RGS17: variants seen among roughly 807,000 people sequenced by gnomAD.
RGS17 encodes the protein regulator of G protein signaling 17.
In RGS17, 12 loss-of-function variants were observed where a neutral mutation model predicts 25.5. The ratio of observed to expected loss-of-function variants is 0.47; its 90% confidence interval spans 0.30 to 0.76. The LOEUF is 0.76. Among genes scored for constraint, RGS17 ranks in the 30% least tolerant of loss-of-function variants. RGS17 has a pLI of 0.07. For missense variants in RGS17, 196 were observed against 242.2 expected (o/e 0.81, Z 1.27); for synonymous variants, 71 against 76.9 (o/e 0.92, Z 0.40).
intron 4 of RGS17, among the ~76,000 whole-genome samples, chr6:153,019,077 G>A (rs1242147021): frequency 2.0e-5 from 3 of 152,144 alleles, no homozygotes; most frequent in African/African-American, 4.8e-5. Flanking sequence ...CTCCTACTAC[G>A]ATTACAATTA....
At chr6:153,121,709 A>T (rs918911916) in intron 1 of RGS17, among the ~76,000 whole-genome samples, 6 of 152,352 alleles carry the variant, frequency 3.9e-5, no homozygotes, top group African/African-American at 1.4e-4. Flanking sequence ...GATACAGTTG[A>T]TTTTATATAA....
rs114225483 is a variant in RGS17, at chr6:153,103,913, A to C, written c.-26+27211T>G. ...TAAACCATAATTACCATCCAGCTTCACATATAAAAGCTTTGAAGAGGATAC... is the reference window on the plus strand; with the variant it reads ...TAAACCATAATTACCATCCAGCTTCCCATATAAAAGCTTTGAAGAGGATAC... On this transcript the variant is annotated intron_variant, in intron 1 of 4. Coordinates refer to ENST00000206262, the MANE Select transcript of RGS17 (RefSeq NM_012419.5). Among the ~76,000 whole-genome samples, 759 of 152,318 alleles carry C rather than the reference A, an allele frequency of 5.0e-3. 5 individuals carry two copies. The highest frequency in any genetic ancestry group is 0.017 in the African/African-American group (704 of 41,556).
intron 1 of RGS17, among the ~76,000 whole-genome samples, chr6:153,083,864 A>G (rs1777016893): frequency 6.6e-6 from 1 of 152,222 alleles, no homozygotes. Flanking sequence ...ACTGTAATAC[A>G]GCTCTCCTGA....
At position 153,074,324 on chromosome 6, in the gene RGS17, T is replaced by C. The variant is rs908802633; in HGVS notation, c.-25-30281A>G. Reference sequence around the variant, plus strand: ...GCACAGCCAGCAGTGCTTGCTCTGTTGATTGCAAGTTAGTGTTTCAGGGTT... The same window carrying C: ...GCACAGCCAGCAGTGCTTGCTCTGTCGATTGCAAGTTAGTGTTTCAGGGTT... On this transcript the variant is annotated intron_variant, in intron 1 of 4. Transcript: ENST00000206262. Among the ~76,000 whole-genome samples, 45 of 152,348 alleles carry C rather than the reference T, an allele frequency of 3.0e-4. 1 individual carries two copies. The highest frequency in any genetic ancestry group is 2.1e-4 in the South Asian group (1 of 4,826).
At chr6:153,020,111 A>AATATATATATAT (rs1779227259) in intron 4 of RGS17, among the ~76,000 whole-genome samples, 5 of 58,456 alleles carry the variant, frequency 8.6e-5, no homozygotes, top group South Asian at 8.7e-4. Context: ...AAAAAAAAAA[A>AATATATATATAT]ATATATATAT....
intron 1 of RGS17, among the ~76,000 whole-genome samples, chr6:153,083,421 G>A (rs114242629): frequency 0.016 from 2,508 of 152,204 alleles, 76 homozygotes; most frequent in African/African-American, 0.056. Flanking sequence ...GGTCTATGCC[G>A]TTGCCAGATT....
intron 1 of RGS17, 107 bp downstream of exon 1, chr6:153,131,017 C>G (rs1348909403): frequency 6.6e-6 from 1 of 152,180 alleles, no homozygotes; most frequent in South Asian, 2.1e-4. Flanking sequence ...TCCGCCCCCT[C>G]CTTCCTTCAC....
At chr6:153,069,680 T>C (rs1343487812) in intron 1 of RGS17, among the ~76,000 whole-genome samples, 4 of 152,026 alleles carry the variant, frequency 2.6e-5, no homozygotes, top group Non-Finnish European at 5.9e-5. Flanking sequence ...ATGATATAAT[T>C]ATTATGAATT....
chr6:153,062,765 TG>T (rs1046018434), intron 1 of RGS17, among the ~76,000 whole-genome samples: 2 of 151,364 alleles, frequency 1.3e-5, no homozygotes, highest in African/African-American at 4.9e-5. Context: ...GAGGGAAGAG[TG>T]GGGAAGACTT....
intron 1 of RGS17, among the ~76,000 whole-genome samples, chr6:153,084,003 G>A (rs1395600503): frequency 6.6e-6 from 1 of 152,158 alleles, no homozygotes; most frequent in Admixed American, 6.5e-5. Flanking sequence ...GGTGTGACAG[G>A]TGGCCTCAGG....
chr6:153,117,070 T>C (rs1378191907), intron 1 of RGS17, among the ~76,000 whole-genome samples: 1 of 152,008 alleles, frequency 6.6e-6, no homozygotes, highest in Non-Finnish European at 1.5e-5. Context: ...ACTTGAAGTA[T>C]AATAATTTAA....
At chr6:153,083,193 A>G (rs1172337536) in intron 1 of RGS17, among the ~76,000 whole-genome samples, 1 of 152,190 alleles carries the variant, frequency 6.6e-6, no homozygotes, top group Non-Finnish European at 1.5e-5. Context: ...AATTATTGTC[A>G]CCATCTTCTC....
At chr6:153,025,710 A>G (rs1208436989) in intron 3 of RGS17, among the ~76,000 whole-genome samples, 4 of 145,096 alleles carry the variant, frequency 2.8e-5, no homozygotes, top group African/African-American at 5.2e-5. Flanking sequence ...ACATATATAT[A>G]TAAACATATA....
intron 1 of RGS17, among the ~76,000 whole-genome samples, chr6:153,058,588 G>A (rs1308128166): frequency 2.0e-5 from 3 of 152,210 alleles, no homozygotes; most frequent in African/African-American, 7.2e-5. Context: ...TTGATTCAGT[G>A]TGGGGCCCCA....
At chr6:153,103,164 G>C (rs1171593539) in intron 1 of RGS17, among the ~76,000 whole-genome samples, 1 of 152,140 alleles carries the variant, frequency 6.6e-6, no homozygotes, top group Non-Finnish European at 1.5e-5. Flanking sequence ...ATATACAGGA[G>C]GATCTAACAT....
chr6:153,109,755 G>C (rs1400349740), intron 1 of RGS17, among the ~76,000 whole-genome samples: 7 of 152,342 alleles, frequency 4.6e-5, no homozygotes, highest in African/African-American at 1.7e-4. Context: ...CATGGACTTG[G>C]AGAGTGTCAG....
rs964297178 is a variant in RGS17, at chr6:153,015,450, A to G, written c.445-3688T>C. ...AGCCACCCCAACCTTCAGCAATACCAGCCTGATGAGTCAGCAGCCATCAAT... is the reference window on the plus strand; with the variant it reads ...AGCCACCCCAACCTTCAGCAATACCGGCCTGATGAGTCAGCAGCCATCAAT... On this transcript the variant is annotated intron_variant, in intron 4 of 4. Transcript: ENST00000206262. Among the ~76,000 whole-genome samples, 105 of 152,330 alleles carry G rather than the reference A, an allele frequency of 6.9e-4. 1 individual carries two copies. The highest frequency in any genetic ancestry group is 2.3e-3 in the African/African-American group (97 of 41,572).
intron 1 of RGS17, among the ~76,000 whole-genome samples, chr6:153,118,083 T>C (rs1346789580): frequency 6.6e-6 from 1 of 152,042 alleles, no homozygotes; most frequent in African/African-American, 2.4e-5. Flanking sequence ...GCAGAGGGAG[T>C]GGCAAGTGCC....
At chr6:153,097,444 A>AT (rs1049528354) in intron 1 of RGS17, among the ~76,000 whole-genome samples, 66 of 151,250 alleles carry the variant, frequency 4.4e-4, no homozygotes, top group Admixed American at 1.9e-3. Flanking sequence ...TTTATAAATG[A>AT]TTTTTTTTAA....
Sources: allele counts gnomAD v4.1 joint callset (sites outside exome capture counted in the v4.1 genomes callset), GRCh38; gene constraint gnomAD v4.1.1; transcripts MANE v1.5; gene names NCBI Gene and HGNC (gene_info 2026-07-23, HGNC 2026-07-21).